Variants in OR7C1 observed in about 807,000 individuals in gnomAD.
OR7C1 encodes olfactory receptor family 7 subfamily C member 1.
For missense variants in OR7C1, 324 were observed against 383.3 expected, an observed-to-expected ratio of 0.85 and a Z score of 1.29; for synonymous variants, 152 against 160.7, an observed-to-expected ratio of 0.95 and a Z score of 0.41.
chr19:14,815,184 C>T (rs1419582552), intron 1 of OR7C1, among the ~76,000 whole-genome samples: 1 of 152,224 alleles, frequency 6.6e-6, no homozygotes, highest in Non-Finnish European at 1.5e-5. Context: ...GATTGGGCAA[C>T]TTTCTCCTGA....
intron 2 of OR7C1, among the ~76,000 whole-genome samples, chr19:14,801,858 T>C (rs926036618): frequency 6.6e-6 from 1 of 152,090 alleles, no homozygotes; most frequent in Admixed American, 6.5e-5. Flanking sequence ...TTCATGAGAA[T>C]CCCATCACAA....
intron 1 of OR7C1, among the ~76,000 whole-genome samples, chr19:14,819,435 C>T (rs7248210): frequency 0.55 from 84,187 of 151,802 alleles, 23,383 homozygotes; most frequent in East Asian, 0.73. Flanking sequence ...GTTTTCTGTT[C>T]CTGGGTCAGT....
chr19:14,802,246 G>A (rs113089646), intron 2 of OR7C1, among the ~76,000 whole-genome samples: 30,673 of 152,212 alleles, frequency 0.2, 3,288 homozygotes, highest in Admixed American at 0.24. Context: ...TGGGCCGGGC[G>A]TGGTGGCTCA....
In OR7C1 at chr19:14,822,373, C is replaced by CTTTTTTTTTT. The variant is rs1162241411; in HGVS notation, c.-622-12390_-622-12381dup. On this transcript the variant is annotated intron_variant, in intron 1 of 4. Transcript: ENST00000641666. ...ATCCTCATCAGCACTTATCTCCTGTCTTTTTTTTTTTTTTTTTTTTTTTTT... is the reference window on the plus strand; with the variant it reads ...ATCCTCATCAGCACTTATCTCCTGTCTTTTTTTTTTTTTTTTTTTTTTTTTTTTTTTTTTT... Among the ~76,000 whole-genome samples, 138 of 67,720 alleles carry CTTTTTTTTTT rather than the reference C, an allele frequency of 2.0e-3. 12 individuals are homozygous for CTTTTTTTTTT. The highest frequency in any genetic ancestry group is 2.8e-3 in the African/African-American group (51 of 18,528). 44.4% of individuals were successfully genotyped at this position (67,720 alleles called of 152,430 possible).
chr19:14,815,135 C>T (rs1424110995), intron 1 of OR7C1, among the ~76,000 whole-genome samples: 2 of 152,180 alleles, frequency 1.3e-5, no homozygotes, highest in Admixed American at 6.5e-5. Context: ...AGCCCCTATT[C>T]CAGCAGCCAT....
intron 2 of OR7C1, among the ~76,000 whole-genome samples, chr19:14,804,755 A>G (rs2044658359): frequency 6.6e-6 from 1 of 152,022 alleles, no homozygotes; most frequent in African/African-American, 2.4e-5. Flanking sequence ...ATTTAGGAGT[A>G]ATGGAAATGT....
intron 2 of OR7C1, among the ~76,000 whole-genome samples, chr19:14,804,338 C>T (rs944809730): frequency 6.6e-6 from 1 of 152,148 alleles, no homozygotes; most frequent in Admixed American, 6.5e-5. Flanking sequence ...CTTCAGCAAC[C>T]ACACACTGGA....
intron 4 of OR7C1, 41 bp from the exon 5 acceptor site, chr19:14,800,190 C>T: frequency 6.8e-7 from 1 of 1,474,182 alleles, no homozygotes; most frequent in Admixed American, 2.4e-5. Flanking sequence ...ATTATCAACA[C>T]ACTGGCAACA....
At chr19:14,829,662 T>C (rs148217263) in intron 1 of OR7C1, among the ~76,000 whole-genome samples, 1 of 152,356 alleles carries the variant, frequency 6.6e-6, no homozygotes, top group East Asian at 1.9e-4. Flanking sequence ...TCTGTCTAGA[T>C]GCTGTTGCAC....
exon 5 of OR7C1, chr19:14,799,659 T>C: frequency 6.2e-7 from 1 of 1,613,846 alleles, no homozygotes; most frequent in Non-Finnish European, 8.5e-7. Flanking sequence ...ACAGTCAAGG[T>C]CTCGAGCAGG....
chr19:14,831,538 G>A (rs920684809), intron 1 of OR7C1, among the ~76,000 whole-genome samples: 2 of 151,908 alleles, frequency 1.3e-5, no homozygotes, highest in African/African-American at 4.8e-5. Context: ...TCAGCCTCCC[G>A]GGTTCACGCC....
intron 1 of OR7C1, among the ~76,000 whole-genome samples, chr19:14,834,740 C>A (rs2044868491): frequency 6.6e-6 from 1 of 152,144 alleles, no homozygotes; most frequent in Non-Finnish European, 1.5e-5. Context: ...ACAGCCAATA[C>A]ACGATTTCTC....
rs138181742 is a variant in OR7C1, at chr19:14,827,446, G to A, written c.-623+7628C>T. 32 of 1,613,946 alleles carry A rather than the reference G, an allele frequency of 2.0e-5. No individual in the cohort carries two copies. Among genetic ancestry groups the A allele is most frequent in the South Asian group, 2.2e-5 (2 of 91,076 alleles). On this transcript the variant is annotated intron_variant, in intron 1 of 4. Transcript: ENST00000641666. Reference sequence around the variant, plus strand: ...GCTGTTGCACTTGAGTGTGAGTTGCGGGTGGCAGCAGAACTAAGGTACACC... The same window carrying A: ...GCTGTTGCACTTGAGTGTGAGTTGCAGGTGGCAGCAGAACTAAGGTACACC...
intron 1 of OR7C1, among the ~76,000 whole-genome samples, chr19:14,819,022 A>G (rs7260430): frequency 0.015 from 2,334 of 152,138 alleles, 54 homozygotes; most frequent in African/African-American, 0.052. Context: ...CTCGTCATTT[A>G]GCATTAGGTA....
At chr19:14,812,631 C>T (rs1298613399) in intron 1 of OR7C1, among the ~76,000 whole-genome samples, 16 of 151,686 alleles carry the variant, frequency 1.1e-4, no homozygotes, top group Admixed American at 9.2e-4. Flanking sequence ...AAGACGCTAG[C>T]CTGCCGATGC....
At position 14,799,262 on chromosome 19, in the gene OR7C1, A is replaced by C. The variant is rs569136507; in HGVS notation, c.875T>G (p.Leu292Arg). The change falls in exon 5 of 5, where the codon CTG becomes CGG. Residue 292 changes from leucine (L) to arginine (R), a missense_variant. By Grantham distance (102) the Leu-to-Arg change is moderately radical (BLOSUM62 -2). Transcript: ENST00000641666. ...GGCCCTCTTCATGTCCGTGTTCCTCAGGCTGTAGATGAAGGGGTTCAGCAT... is the reference window on the plus strand; with the variant it reads ...GGCCCTCTTCATGTCCGTGTTCCTCCGGCTGTAGATGAAGGGGTTCAGCAT... 270 of 1,613,974 alleles carry C rather than the reference A, an allele frequency of 1.7e-4. No individual in the cohort carries two copies. The highest frequency in any genetic ancestry group is 2.2e-4 in the Non-Finnish European group (254 of 1,180,008).
In OR7C1 at chr19:14,815,809, G is replaced by C. The variant is rs571834559; in HGVS notation, c.-622-5816C>G. Among the ~76,000 whole-genome samples, 32 of 151,796 alleles carry C rather than the reference G, an allele frequency of 2.1e-4. 1 individual carries two copies. The highest frequency in any genetic ancestry group is 3.4e-3 in the Middle Eastern group (1 of 294). ...CGTGTGTGTGTGTGTGTGTGTGTGT[G>C]TGTGTGTCTGTGTCTGGGTGTGTGT... is the stretch of plus-strand genomic sequence containing the variant. On this transcript the variant is annotated intron_variant, in intron 1 of 4. Transcript: ENST00000641666.
intron 1 of OR7C1, chr19:14,827,650 C>G: frequency 6.2e-7 from 1 of 1,614,162 alleles, no homozygotes; most frequent in Non-Finnish European, 8.5e-7. Flanking sequence ...AAATATATCA[C>G]CATGTGATTA....
intron 2 of OR7C1, among the ~76,000 whole-genome samples, chr19:14,802,349 G>A (rs71334747): frequency 0.11 from 17,388 of 151,926 alleles, 1,150 homozygotes; most frequent in Non-Finnish European, 0.15. Context: ...GTGAAACCCC[G>A]TCTCTACTAA....
Sources: allele counts gnomAD v4.1 joint callset (sites outside exome capture counted in the v4.1 genomes callset), GRCh38; gene constraint gnomAD v4.1.1; transcripts MANE v1.5; gene names NCBI Gene and HGNC (gene_info 2026-07-23, HGNC 2026-07-21).